The following THSD4 variants were observed in gnomAD, a reference collection of about 807,000 sequenced individuals.
THSD4 encodes the protein thrombospondin type-1 domain-containing protein 4.
Under a neutral mutation model 119.0 loss-of-function variants are expected in THSD4, and 69 were observed. The observed-to-expected ratio is 0.58, with a 90% CI of 0.48 to 0.71. THSD4 has a LOEUF of 0.71. THSD4 is among the 30% of genes least tolerant of loss of function. The pLI is 0.00. For missense variants in THSD4, 1,393 were observed against 1,391.1 expected (o/e 1.00, Z -0.02); for synonymous variants, 524 against 540.4 (o/e 0.97, Z 0.42).
chr15:71,551,819 C>G (rs1271294233), intron 7 of THSD4, among the ~76,000 whole-genome samples: 2 of 152,166 alleles, frequency 1.3e-5, no homozygotes, highest in Non-Finnish European at 2.9e-5. Flanking sequence ...TAACAAAATT[C>G]CAGACTCCCA....
intron 6 of THSD4, among the ~76,000 whole-genome samples, chr15:71,268,424 ACGTACC>A (rs2044488104): frequency 6.6e-6 from 1 of 152,196 alleles, no homozygotes; most frequent in Non-Finnish European, 1.5e-5. Flanking sequence ...CAAAGACATA[ACGTACC>A]AGAATCTCTA....
At chr15:71,160,645 A>G (rs1386632217) in intron 3 of THSD4, among the ~76,000 whole-genome samples, 2 of 151,538 alleles carry the variant, frequency 1.3e-5, no homozygotes, top group African/African-American at 4.8e-5. Flanking sequence ...ATCAGTTGTC[A>G]TGTCTCCTTT....
chr15:71,575,173 G>GT (rs914745085), intron 7 of THSD4, among the ~76,000 whole-genome samples: 14 of 152,094 alleles, frequency 9.2e-5, no homozygotes, highest in African/African-American at 3.1e-4. Context: ...GGCTTGTTTG[G>GT]TTTTTTCAAT....
At chr15:71,205,715 C>T (rs545697772) in intron 3 of THSD4, among the ~76,000 whole-genome samples, 4 of 152,234 alleles carry the variant, frequency 2.6e-5, no homozygotes, top group Admixed American at 6.5e-5. Flanking sequence ...GGCATTAACA[C>T]GAATGCTGAA....
At chr15:71,551,160 A>C (rs2048921381) in intron 7 of THSD4, among the ~76,000 whole-genome samples, 1 of 152,222 alleles carries the variant, frequency 6.6e-6, no homozygotes, top group Non-Finnish European at 1.5e-5. Context: ...GACTACCAGG[A>C]TATGCTTTTA....
At chr15:71,589,967 T>C (rs1376382349) in intron 7 of THSD4, among the ~76,000 whole-genome samples, 1 of 139,924 alleles carries the variant, frequency 7.1e-6, no homozygotes, top group Non-Finnish European at 1.6e-5. Flanking sequence ...AAATGTACTA[T>C]ATCATTTACA....
intron 1 of THSD4, among the ~76,000 whole-genome samples, chr15:71,109,395 T>A (rs957403491): frequency 6.6e-6 from 1 of 152,180 alleles, no homozygotes; most frequent in Admixed American, 6.5e-5. Context: ...CTTCTCTGAG[T>A]ATGTCATCTT....
rs868410084 is a variant in THSD4 at position 71,141,629 on chromosome 15, C to T, written c.29+73C>T. ...ATATTTGCATTTTACTCTGTCATTT[C>T]TTAAAGTAAGTGATCTTAAGGGTCT... On this transcript the variant is annotated intron_variant, in intron 2 of 17. Coordinates refer to ENST00000261862, the MANE Select transcript of THSD4 (RefSeq NM_024817.3). 8.1e-6 allele frequency: 12 copies of T among 1,487,100 alleles called. No homozygotes were observed. The Middle Eastern group carries it at 2.0e-3, about 252-fold the overall frequency. The allele number at this position is 1,487,100 out of a possible 1,614,324, so 92.1% of individuals were successfully genotyped here.
At chr15:71,437,782 G>A (rs1371694700) in intron 7 of THSD4, among the ~76,000 whole-genome samples, 1 of 152,170 alleles carries the variant, frequency 6.6e-6, no homozygotes, top group Non-Finnish European at 1.5e-5. Flanking sequence ...GCTAGTGGGT[G>A]GCAAATTGCC....
intron 7 of THSD4, among the ~76,000 whole-genome samples, chr15:71,648,797 C>T (rs552493440): frequency 3.9e-5 from 6 of 152,240 alleles, no homozygotes; most frequent in South Asian, 2.1e-4. Context: ...TGCCAAGGGA[C>T]GCGTCTCGAG....
At chr15:71,329,278 A>T (rs2045391357) in intron 6 of THSD4, among the ~76,000 whole-genome samples, 1 of 152,148 alleles carries the variant, frequency 6.6e-6, no homozygotes, top group African/African-American at 2.4e-5. Flanking sequence ...GGCCAGGCTG[A>T]GTGTGAGGTC....
chr15:71,140,948 T>C (rs1166162531), intron 1 of THSD4, among the ~76,000 whole-genome samples: 2 of 152,258 alleles, frequency 1.3e-5, no homozygotes, highest in African/African-American at 2.4e-5. Flanking sequence ...TGGAATCATA[T>C]AATGCATGCT....
intron 7 of THSD4, among the ~76,000 whole-genome samples, chr15:71,550,538 G>A (rs550138488): frequency 2.0e-5 from 3 of 152,160 alleles, no homozygotes; most frequent in South Asian, 2.1e-4. Context: ...CCGGGTTCAC[G>A]CCATTTTCCC....
intron 6 of THSD4, among the ~76,000 whole-genome samples, chr15:71,393,014 C>T (rs1441938539): frequency 1.3e-5 from 2 of 152,184 alleles, no homozygotes; most frequent in African/African-American, 2.4e-5. Context: ...AGGGAACCTC[C>T]GTTTCTCATT....
intron 8 of THSD4, among the ~76,000 whole-genome samples, chr15:71,709,640 G>C (rs905400800): frequency 2.0e-5 from 3 of 152,196 alleles, no homozygotes. Flanking sequence ...TTTCTTAAGG[G>C]TCTTATGTAG....
intron 8 of THSD4, among the ~76,000 whole-genome samples, chr15:71,687,709 C>T (rs1050377219): frequency 6.7e-6 from 1 of 148,616 alleles, no homozygotes; most frequent in Non-Finnish European, 1.5e-5. Context: ...GAGCTGAGAT[C>T]GTGCCATTAC....
chr15:71,565,922 G>A (rs2049227641), intron 7 of THSD4, among the ~76,000 whole-genome samples: 1 of 152,162 alleles, frequency 6.6e-6, no homozygotes, highest in Admixed American at 6.6e-5. Flanking sequence ...ACAGAAGTAA[G>A]TCTCTATGAC....
intron 7 of THSD4, among the ~76,000 whole-genome samples, chr15:71,469,852 A>C (rs937908481): frequency 6.6e-6 from 1 of 152,212 alleles, no homozygotes; most frequent in Non-Finnish European, 1.5e-5. Flanking sequence ...AACATGTGCT[A>C]AATGATATAC....
chr15:71,276,545 G>T (rs1377391558), intron 6 of THSD4, among the ~76,000 whole-genome samples: 1 of 152,162 alleles, frequency 6.6e-6, no homozygotes, highest in Non-Finnish European at 1.5e-5. Flanking sequence ...TGGGAAGGGG[G>T]AATGGCTACA....
Sources: gnomAD v4.1 joint callset for allele counts (sites outside exome capture counted in the v4.1 genomes callset) on GRCh38, gnomAD v4.1.1 for gene constraint, MANE v1.5 for transcripts, NCBI Gene and HGNC (gene_info 2026-07-23, HGNC 2026-07-21) for gene names.